CTNNA3: variants seen among roughly 807,000 people sequenced by gnomAD.
CTNNA3 encodes the protein catenin alpha 3, also known as catenin alpha-3.
CTNNA3 carries 76 observed loss-of-function variants against 95.7 expected under a neutral mutation model. The observed-to-expected ratio is 0.79, with a 90% confidence interval of 0.66 to 0.96. CTNNA3 has a LOEUF of 0.96. CTNNA3 is among the 40% of genes least tolerant of loss of function. CTNNA3 has a pLI of 0.00. For synonymous variants in CTNNA3, 431 were observed against 374.4 expected, an observed-to-expected ratio of 1.15 and a Z score of -1.74; for missense variants, 1,191 against 1,089.8, an observed-to-expected ratio of 1.09 and a Z score of -1.31.
At chr10:66,793,858 T>C (rs149551722) in intron 7 of CTNNA3, among the ~76,000 whole-genome samples, 290 of 152,286 alleles carry the variant, frequency 1.9e-3, no homozygotes, top group African/African-American at 6.8e-3. Context: ...ATTCTATTTA[T>C]TCCTTGTACT....
Position 66,621,748 on chromosome 10 carries a change from C to T in CTNNA3, c.1318G>A (p.Asp440Asn), listed in dbSNP as rs545174357. 291 of 1,612,058 alleles carry T rather than the reference C, an allele frequency of 1.8e-4. 5 individuals carry two copies. In the South Asian group the frequency reaches 3.1e-3, roughly 17 times the overall value. Residue 440 changes from aspartate (D) to asparagine (N), a missense_variant, in exon 10 of 18, where the codon GAT becomes AAT. Physicochemically the swap from Asp to Asn is conservative, Grantham distance 23. Coordinates refer to ENST00000433211, the MANE Select transcript of CTNNA3 (RefSeq NM_013266.4). ...GCAATTTTGACAATTTTAATTCCAT[C>T]TTCATTTGTTGACATGGAACAAGCA... ...NLACSMSTNE[D>N]GIKIVKIAAN...
chr10:66,034,750 G>C (rs1401206206), intron 15 of CTNNA3, among the ~76,000 whole-genome samples: 1 of 152,136 alleles, frequency 6.6e-6, no homozygotes, highest in Non-Finnish European at 1.5e-5. Context: ...GAAGGGATCA[G>C]TTTTAGCCAA....
rs181542334 is a variant in CTNNA3 at position 67,453,687 on chromosome 10, T to C, written c.579+68155A>G. On this transcript the variant is annotated intron_variant, in intron 5 of 17. Coordinates refer to ENST00000433211, the MANE Select transcript of CTNNA3 (RefSeq NM_013266.4). Reference sequence around the variant, plus strand: ...TTAATAAATGCAGAACAGTCTGTTATCTGTAAAAATGTGCAGATAAGAGAG... The same window carrying C: ...TTAATAAATGCAGAACAGTCTGTTACCTGTAAAAATGTGCAGATAAGAGAG... Among the ~76,000 whole-genome samples, 27 of 152,338 alleles carry C rather than the reference T, an allele frequency of 1.8e-4. No homozygotes were observed. In the East Asian group the frequency reaches 2.1e-3, roughly 12 times the overall value.
At chr10:67,754,320 G>A (rs1198952537) in intron 1 of CTNNA3, among the ~76,000 whole-genome samples, 1 of 152,160 alleles carries the variant, frequency 6.6e-6, no homozygotes. Context: ...GGCGTTGGGA[G>A]GGAGAGCATC....
intron 16 of CTNNA3, among the ~76,000 whole-genome samples, chr10:65,986,908 C>G (rs1246018446): frequency 6.7e-6 from 1 of 149,878 alleles, no homozygotes; most frequent in Non-Finnish European, 1.5e-5. Flanking sequence ...AAAATAAATT[C>G]ACATATTTAT....
intron 7 of CTNNA3, among the ~76,000 whole-genome samples, chr10:67,141,927 C>G (rs981824431): frequency 6.6e-6 from 1 of 151,824 alleles, no homozygotes; most frequent in African/African-American, 2.4e-5. Flanking sequence ...TAATAAACAG[C>G]TGCATAGTTG....
chr10:66,910,887 A>C (rs941164297), intron 7 of CTNNA3, among the ~76,000 whole-genome samples: 1 of 152,240 alleles, frequency 6.6e-6, no homozygotes, highest in African/African-American at 2.4e-5. Context: ...TGAGCTATTC[A>C]TGGGATTTAA....
intron 12 of CTNNA3, among the ~76,000 whole-genome samples, chr10:66,362,096 ATTTTTTTT>A (rs569047811): frequency 0.045 from 3,701 of 81,990 alleles, 141 homozygotes; most frequent in African/African-American, 0.14. Context: ...TTCATACACA[ATTTTTTTT>A]TTTTTTTTTT....
At chr10:67,198,829 G>C (rs1863499924) in intron 6 of CTNNA3, among the ~76,000 whole-genome samples, 1 of 152,168 alleles carries the variant, frequency 6.6e-6, no homozygotes, top group Non-Finnish European at 1.5e-5. Flanking sequence ...TCAGAAAAAT[G>C]TTAAACCAAC....
rs187574752 is a variant in CTNNA3, at chr10:66,065,434, G to A, written c.2159+3874C>T. 1.9e-4 allele frequency among the ~76,000 whole-genome samples: 29 copies of A among 152,124 alleles called. No homozygotes were observed. The East Asian group carries it at 5.4e-3, about 28-fold the overall frequency. On this transcript the variant is annotated intron_variant, in intron 15 of 17. Coordinates refer to ENST00000433211, the MANE Select transcript of CTNNA3 (RefSeq NM_013266.4). ...AGTCTCTTTTAAGTTACTACCTTGA[G>A]TCTCTTTGTTTTTTGATCTGCTATT...
chr10:67,713,477 A>G (rs939515944), intron 1 of CTNNA3, among the ~76,000 whole-genome samples: 47 of 152,366 alleles, frequency 3.1e-4, no homozygotes, highest in African/African-American at 1.1e-3. Flanking sequence ...ATAAAGACAC[A>G]TGCACACATA....
chr10:65,952,800 T>C (rs1429861825), intron 17 of CTNNA3, among the ~76,000 whole-genome samples: 2 of 152,206 alleles, frequency 1.3e-5, no homozygotes, highest in East Asian at 3.9e-4. Flanking sequence ...TGAGTTGCAG[T>C]TGCTTGGCGA....
At chr10:67,404,272 G>A (rs1025915774) in intron 5 of CTNNA3, among the ~76,000 whole-genome samples, 9 of 151,980 alleles carry the variant, frequency 5.9e-5, no homozygotes, top group Non-Finnish European at 8.8e-5. Context: ...AGCTAAAGGA[G>A]CACTTTGCAA....
chr10:67,429,699 T>C (rs924166496), intron 5 of CTNNA3, among the ~76,000 whole-genome samples: 13 of 152,048 alleles, frequency 8.5e-5, no homozygotes, highest in Non-Finnish European at 1.6e-4. Flanking sequence ...GGTTTTTTTC[T>C]ACATGTCGAG....
chr10:65,924,665 G>A (rs917985039), intron 17 of CTNNA3, among the ~76,000 whole-genome samples: 3 of 152,112 alleles, frequency 2.0e-5, no homozygotes, highest in African/African-American at 7.2e-5. Context: ...CTAACACTGA[G>A]CCAACAGGTG....
At chr10:66,250,835 T>G (rs1427247748) in intron 13 of CTNNA3, among the ~76,000 whole-genome samples, 1 of 152,216 alleles carries the variant, frequency 6.6e-6, no homozygotes, top group African/African-American at 2.4e-5. Flanking sequence ...TTTCTCTATC[T>G]TTTAGCTTCT....
At chr10:67,315,987 G>A (rs1399437008) in intron 5 of CTNNA3, among the ~76,000 whole-genome samples, 2 of 151,976 alleles carry the variant, frequency 1.3e-5, no homozygotes, top group Non-Finnish European at 2.9e-5. Context: ...GTACTTGAAA[G>A]AAAAAATATG....
intron 7 of CTNNA3, among the ~76,000 whole-genome samples, chr10:67,110,857 A>G (rs1858880881): frequency 6.6e-6 from 1 of 152,172 alleles, no homozygotes; most frequent in African/African-American, 2.4e-5. Context: ...GAAGAAATAG[A>G]TTAAAAATTA....
chr10:66,651,357 AG>A lies in CTNNA3; in HGVS notation c.1282-29574del, dbSNP rs1208701875. On this transcript the variant is annotated intron_variant, in intron 9 of 17. Coordinates refer to ENST00000433211, the MANE Select transcript of CTNNA3 (RefSeq NM_013266.4). ...ATACAATCCTCCAGCTAGACAAAAA[AG>A]TTCTCCAAGTCCCCACCTGACTCAG... Among the ~76,000 whole-genome samples the A allele has an allele frequency of 4.6e-5, 7 of 152,298 alleles. No homozygotes were observed. In the East Asian group the frequency reaches 7.7e-4, roughly 17 times the overall value.
Sources: allele counts gnomAD v4.1 joint callset (sites outside exome capture counted in the v4.1 genomes callset), GRCh38; gene constraint gnomAD v4.1.1; transcripts MANE v1.5; gene names NCBI Gene and HGNC (gene_info 2026-07-23, HGNC 2026-07-21).